The following PLCH1 variants were observed in gnomAD, a reference collection of about 807,000 sequenced individuals.
The protein encoded by PLCH1 is phospholipase C eta 1.
In PLCH1, 60 loss-of-function variants were observed where a neutral mutation model predicts 126.7. The ratio of observed to expected loss-of-function variants is 0.47; its 90% CI spans 0.38 to 0.59. PLCH1 has a LOEUF of 0.59. Among genes scored for constraint, PLCH1 ranks in the 20% least tolerant of loss-of-function variants. The pLI, the probability that PLCH1 is intolerant of heterozygous loss-of-function variation, is 0.00. For missense variants in PLCH1, 1,723 were observed against 2,040.0 expected (o/e 0.84, Z 2.99); for synonymous variants, 719 against 734.9 (o/e 0.98, Z 0.35).
At chr3:155,524,399 T>G (rs549955965) in intron 10 of PLCH1, among the ~76,000 whole-genome samples, 3 of 152,322 alleles carry the variant, frequency 2.0e-5, no homozygotes, top group Admixed American at 6.5e-5. Flanking sequence ...TGGGAATGTA[T>G]TTAATACTAC....
intron 2 of PLCH1, among the ~76,000 whole-genome samples, chr3:155,642,216 G>GTCC (rs1362861165): frequency 6.6e-6 from 1 of 152,140 alleles, no homozygotes; most frequent in Non-Finnish European, 1.5e-5. Context: ...CACACAGCCT[G>GTCC]TAAGTGGTGG....
chr3:155,453,706 AAATTTCTGATTAATAATTAGAAATTAAT>A (rs564838119), intron 21 of PLCH1, among the ~76,000 whole-genome samples: 1,722 of 151,830 alleles, frequency 0.011, 17 homozygotes, highest in South Asian at 0.045. Flanking sequence ...GTTTCTATAT[AAATTTCTGATTAATAATTAGAAATTAAT>A]AATTTCTGAT....
At chr3:155,487,646 C>T (rs141370235) in intron 21 of PLCH1, among the ~76,000 whole-genome samples, 44 of 152,320 alleles carry the variant, frequency 2.9e-4, no homozygotes, top group African/African-American at 9.9e-4. Context: ...GTACAGGTAA[C>T]TCATCAACCA....
chr3:155,473,737 A>G (rs1442889903), intron 21 of PLCH1, among the ~76,000 whole-genome samples: 2 of 151,224 alleles, frequency 1.3e-5, no homozygotes, highest in African/African-American at 4.9e-5. Flanking sequence ...GATATAGATC[A>G]ATGGAACAGA....
chr3:155,532,052 G>T (rs1348267345), intron 10 of PLCH1, among the ~76,000 whole-genome samples: 2 of 152,146 alleles, frequency 1.3e-5, no homozygotes, highest in African/African-American at 4.8e-5. Context: ...TAACTCTTGG[G>T]CACAAGAGGC....
chr3:155,552,490 C>T (rs752529312), intron 9 of PLCH1, among the ~76,000 whole-genome samples: 13 of 152,100 alleles, frequency 8.5e-5, no homozygotes, highest in Non-Finnish European at 1.5e-4. Flanking sequence ...AATACTTAAA[C>T]GGCCTTGTAG....
chr3:155,684,003 T>C (rs943726007), intron 2 of PLCH1, among the ~76,000 whole-genome samples: 4 of 152,226 alleles, frequency 2.6e-5, no homozygotes, highest in Admixed American at 6.5e-5. Flanking sequence ...CACTTGGACG[T>C]ACCTGATATC....
At chr3:155,674,821 T>A (rs555179714) in intron 2 of PLCH1, among the ~76,000 whole-genome samples, 1 of 152,330 alleles carries the variant, frequency 6.6e-6, no homozygotes, top group African/African-American at 2.4e-5. Context: ...TTAAAGATCA[T>A]CTTATGTGGT....
intron 8 of PLCH1, 64 bp from the exon 9 acceptor site, chr3:155,554,260 A>G: frequency 6.7e-7 from 1 of 1,494,182 alleles, no homozygotes. Flanking sequence ...TATTTCTGGA[A>G]ATACCAGACA....
chr3:155,608,491 C>T (rs766030865), intron 2 of PLCH1, among the ~76,000 whole-genome samples: 2 of 152,126 alleles, frequency 1.3e-5, no homozygotes, highest in Non-Finnish European at 2.9e-5. Context: ...CTGCACGAAG[C>T]TGCATGGGAG....
At position 155,587,889 on chromosome 3, in the gene PLCH1, A is replaced by G. The variant is rs150586095; in HGVS notation, c.471-1695T>C. 3.0e-3 allele frequency among the ~76,000 whole-genome samples: 452 copies of G among 152,326 alleles called. 2 individuals are homozygous for G. The highest frequency in any genetic ancestry group is 0.01 in the African/African-American group (422 of 41,580). On this transcript the variant is annotated intron_variant, in intron 4 of 22. Coordinates refer to ENST00000460012, the MANE Select transcript of PLCH1 (RefSeq NM_014996.4). ...AGGCAAGTACTGCGTGCATATTTAG[A>G]AAACCAATTAAACTTCAATATTGAA...
intron 2 of PLCH1, among the ~76,000 whole-genome samples, chr3:155,625,108 T>A (rs1737070891): frequency 6.6e-6 from 1 of 152,192 alleles, no homozygotes; most frequent in Non-Finnish European, 1.5e-5. Flanking sequence ...AACCATCTGA[T>A]CTTTGACAAA....
rs56050389 is a variant in PLCH1, at chr3:155,639,411, C to A, written c.80-43033G>T. Among the ~76,000 whole-genome samples the A allele has an allele frequency of 2.0e-3, 309 of 152,178 alleles. 1 individual carries two copies. The highest frequency in any genetic ancestry group is 7.2e-3 in the African/African-American group (297 of 41,528). ...AGGAGGTTAAGGCTGCAGTGGGGCA[C>A]GTTCATGTAACTGCATTCCAGGCTG... is the stretch of plus-strand genomic sequence containing the variant. On this transcript the variant is annotated intron_variant, in intron 2 of 22. Transcript: ENST00000460012.
At chr3:155,729,456 A>C (rs1024843535) in intron 1 of PLCH1, among the ~76,000 whole-genome samples, 1 of 152,238 alleles carries the variant, frequency 6.6e-6, no homozygotes, top group Admixed American at 6.5e-5. Context: ...CCAGATGTCA[A>C]AGGATGAGTA....
At position 155,482,204 on chromosome 3, in the gene PLCH1, G is replaced by A; in HGVS notation, c.3822C>T (p.Ile1274=). 4 of 1,614,220 alleles carry A rather than the reference G, an allele frequency of 2.5e-6. No individual in the cohort carries two copies. The highest frequency in any genetic ancestry group is 3.4e-6 in the Non-Finnish European group (4 of 1,180,046). Residue 1274 remains isoleucine (I), a synonymous_variant, in exon 23 of 23, where the codon ATC becomes ATT. Coordinates refer to ENST00000460012, the MANE Select transcript of PLCH1 (RefSeq NM_014996.4). ...GGTCATCATCTGGTTTGGTTTTAGA[G>A]ATGGGAGTGCAGGTAGTTTCATAAA... ...NTVYETTCTP[I]SKTKPDDDLS...
At chr3:155,530,885 A>G (rs1419378973) in intron 10 of PLCH1, among the ~76,000 whole-genome samples, 1 of 152,236 alleles carries the variant, frequency 6.6e-6, no homozygotes, top group Non-Finnish European at 1.5e-5. Flanking sequence ...AAAATTATAC[A>G]TAGAACAACG....
At chr3:155,733,525 G>C (rs1037235963) in intron 1 of PLCH1, among the ~76,000 whole-genome samples, 1 of 152,088 alleles carries the variant, frequency 6.6e-6, no homozygotes, top group African/African-American at 2.4e-5. Flanking sequence ...ACATGCAGAA[G>C]AATAAGATTA....
At chr3:155,588,712 T>C (rs1197421146) in intron 4 of PLCH1, among the ~76,000 whole-genome samples, 2 of 152,112 alleles carry the variant, frequency 1.3e-5, no homozygotes, top group Non-Finnish European at 2.9e-5. Flanking sequence ...TGATTATTGG[T>C]TTAGGGAACT....
At chr3:155,612,406 ACAATCTAAGGTCACACCT>A (rs1268218941) in intron 2 of PLCH1, among the ~76,000 whole-genome samples, 1 of 151,974 alleles carries the variant, frequency 6.6e-6, no homozygotes, top group Non-Finnish European at 1.5e-5. Context: ...GGACAAAAAG[ACAATCTAAGGTCACACCT>A]CAAGGAACTT....
Sources: gnomAD v4.1 joint callset for allele counts (sites outside exome capture counted in the v4.1 genomes callset) on GRCh38, gnomAD v4.1.1 for gene constraint, MANE v1.5 for transcripts, NCBI Gene and HGNC (gene_info 2026-07-23, HGNC 2026-07-21) for gene names.